Variants in ODF1 observed in about 807,000 individuals in gnomAD.
ODF1 encodes the protein outer dense fiber of sperm tails 1.
ODF1 carries 10 observed loss-of-function variants against 24.0 expected under a neutral mutation model. The observed-to-expected ratio is 0.42, with a 90% confidence interval of 0.26 to 0.71. The LOEUF is 0.71. Ranked by LOEUF, ODF1 falls within the 30% of genes least tolerant of loss-of-function variation. ODF1 has a pLI of 0.28. For synonymous variants in ODF1, 118 were observed against 121.3 expected, an observed-to-expected ratio of 0.97 and a Z score of 0.18; for missense variants, 282 against 307.9, an observed-to-expected ratio of 0.92 and a Z score of 0.63.
Position 102,551,811 on chromosome 8 carries a change from C to T in ODF1, c.84C>T (p.Ile28=), listed in dbSNP as rs142790437. ...VDRELRQLRC[I]DEFSTRCLCD... The stretch of plus-strand genomic sequence containing the variant: ...GAGAACTAAGGCAACTGAGATGCAT[C>T]GACGAATTTAGCACACGGTGCCTGT... Residue 28 remains isoleucine, a synonymous_variant, in exon 1 of 2, where the codon ATC becomes ATT. Coordinates refer to ENST00000285402, the MANE Select transcript of ODF1 (RefSeq NM_024410.4). 1.8e-5 allele frequency: 29 copies of T among 1,613,998 alleles called. No individual in the cohort carries two copies. Among genetic ancestry groups the T allele is most frequent in the African/African-American group, 9.3e-5 (7 of 74,896 alleles).
chr8:102,552,817 G>C (rs1408528544), intron 1 of ODF1, among the ~76,000 whole-genome samples: 1 of 152,068 alleles, frequency 6.6e-6, no homozygotes, highest in Non-Finnish European at 1.5e-5. Context: ...GTCTGTTACT[G>C]TTGATGAAAA....
In ODF1 at chr8:102,560,889, C is replaced by T. The variant is rs1292416888; in HGVS notation, c.*5C>T. The T allele has an allele frequency of 2.8e-5, 44 of 1,596,126 alleles. No individual in the cohort carries two copies. Among genetic ancestry groups the T allele is most frequent in the Non-Finnish European group, 3.6e-5 (42 of 1,169,856 alleles). ...TGTAGGAAGATGATTTTGTAAAGTG[C>T]GCATAGGAACCCATTACTTAATAGA... On this transcript the variant is annotated 3_prime_UTR_variant, in exon 2 of 2. Transcript: ENST00000285402.
rs561445927 is a variant in ODF1 at position 102,557,382 on chromosome 8, A to G, written c.321-3070A>G. 2.4e-4 allele frequency among the ~76,000 whole-genome samples: 37 copies of G among 152,300 alleles called. 2 individuals are homozygous for G. In the South Asian group the frequency reaches 7.5e-3, roughly 31 times the overall value. ...CTAAACCAACACATCTTCCCTGATA[A>G]CCACTGACTTAGAAGCAAGAAGAAA... is the stretch of plus-strand genomic sequence containing the variant. On this transcript the variant is annotated intron_variant, in intron 1 of 1. Coordinates refer to ENST00000285402, the MANE Select transcript of ODF1 (RefSeq NM_024410.4).
Position 102,560,973 on chromosome 8 carries a change from CT to C in ODF1, c.*90del. On this transcript the variant is annotated 3_prime_UTR_variant, in exon 2 of 2. Transcript: ENST00000285402. Reference sequence around the variant, plus strand: ...GTTTCTCCTCTCCTTCCCATGGCCCCTGTTGTTGAAGTACGTAGGAAACTGA... The same window carrying C: ...GTTTCTCCTCTCCTTCCCATGGCCCCGTTGTTGAAGTACGTAGGAAACTGA... 8.0e-7 allele frequency: 1 copy of C among 1,246,950 alleles called. No individual in the cohort carries two copies. Among genetic ancestry groups the C allele is most frequent in the Non-Finnish European group, 1.1e-6 (1 of 893,264 alleles). 77.2% of individuals were successfully genotyped at this position (1,246,950 alleles called of 1,614,324 possible).
chr8:102,551,873 T>C lies in ODF1; in HGVS notation c.146T>C (p.Leu49Ser), dbSNP rs777913768. ...LYMHPYCCCD[L>S]HPYPYCLCYS... ...ATGCACCCCTATTGCTGCTGTGACT[T>C]GCACCCATATCCGTACTGCTTGTGC... Residue 49 changes from leucine (L) to serine (S), a missense_variant, in exon 1 of 2, where the codon TTG (leucine) becomes TCG (serine). By Grantham distance (145) the Leu-to-Ser change is moderately radical. Transcript: ENST00000285402. 1 of 1,614,120 alleles carries C rather than the reference T, an allele frequency of 6.2e-7. No individual in the cohort carries two copies. Among genetic ancestry groups the C allele is most frequent in the Non-Finnish European group, 8.5e-7 (1 of 1,180,028 alleles).
At chr8:102,555,588 G>A (rs945029395) in intron 1 of ODF1, among the ~76,000 whole-genome samples, 1 of 152,210 alleles carries the variant, frequency 6.6e-6, no homozygotes, top group Non-Finnish European at 1.5e-5. Flanking sequence ...TGAGGATGAG[G>A]TTTTCACTGA....
chr8:102,559,743 A>G (rs1326958744), intron 1 of ODF1, among the ~76,000 whole-genome samples: 1 of 151,504 alleles, frequency 6.6e-6, no homozygotes, highest in Non-Finnish European at 1.5e-5. Context: ...GAGCCAGGCC[A>G]GGGCTCTCCT....
At position 102,560,763 on chromosome 8, in the gene ODF1, CCT is replaced by C. The variant is rs759689755; in HGVS notation, c.633_634del (p.Cys212GlnfsTer19). On this transcript the variant is annotated frameshift_variant, in exon 2 of 2. Transcript: ENST00000285402. LOFTEE classifies it high-confidence loss of function. ...TACCCTTGCACTTCTCCTTGCAGCC[CCT>C]GCAGCCCCTGCAGCCCCTGCAACCC... 4,040 of 1,573,456 alleles carry C rather than the reference CCT, an allele frequency of 2.6e-3. 66 individuals are homozygous for C. In the African/African-American group the frequency reaches 0.045, roughly 17 times the overall value.
intron 1 of ODF1, among the ~76,000 whole-genome samples, chr8:102,557,040 G>C (rs1317057817): frequency 6.6e-6 from 1 of 152,162 alleles, no homozygotes; most frequent in Non-Finnish European, 1.5e-5. Context: ...CGGGAGTTTG[G>C]TTGTACATCC....
chr8:102,554,982 A>C (rs771033667), intron 1 of ODF1, among the ~76,000 whole-genome samples: 2 of 151,756 alleles, frequency 1.3e-5, no homozygotes, highest in Non-Finnish European at 2.9e-5. Context: ...TAAATAAAAG[A>C]AAATCCAATC....
chr8:102,560,520 A>G lies in ODF1; in HGVS notation c.389A>G (p.Asn130Ser). 2 of 1,614,208 alleles carry G rather than the reference A, an allele frequency of 1.2e-6. No individual in the cohort carries two copies. Among genetic ancestry groups the G allele is most frequent in the Non-Finnish European group, 1.7e-6 (2 of 1,180,034 alleles). The change falls in exon 2 of 2, where the codon AAT becomes AGT. Residue 130 changes from asparagine (N) to serine (S), a missense_variant. Coordinates refer to ENST00000285402, the MANE Select transcript of ODF1 (RefSeq NM_024410.4). ...CCSSNILGSVNVCGFEPDQVK... is the reference protein window; with the variant it reads ...CCSSNILGSVSVCGFEPDQVK... The stretch of plus-strand genomic sequence containing the variant: ...AGCAGTAACATTTTAGGATCGGTGA[A>G]TGTATGCGGTTTTGAACCCGATCAA...
chr8:102,555,440 C>T (rs767806798), intron 1 of ODF1, among the ~76,000 whole-genome samples: 4 of 152,178 alleles, frequency 2.6e-5, no homozygotes, highest in South Asian at 2.1e-4. Flanking sequence ...ATCCTGAGAC[C>T]GTGTTTCTGT....
rs752938995 is a variant in ODF1, at chr8:102,551,975, T to C, written c.248T>C (p.Leu83Pro). 3.7e-6 allele frequency: 6 copies of C among 1,613,794 alleles called. No homozygotes were observed. Among genetic ancestry groups the C allele is most frequent in the Non-Finnish European group, 5.1e-6 (6 of 1,179,680 alleles). The change falls in exon 1 of 2, where the codon CTG becomes CCG. Residue 83 changes from leucine to proline, a missense_variant. Leu to Pro is a moderately conservative substitution (Grantham distance 98, BLOSUM62 -3). Transcript: ENST00000285402. ...CCLCDYKLYC[L>P]RPSLRSLERK... ...CTGTGTGATTATAAGCTTTACTGTC[T>C]GCGACCATCTCTCAGAAGTTTGGAG...
chr8:102,560,410 G>T (rs760928011), intron 1 of ODF1, 42 bp from the exon 2 acceptor site: 6 of 1,574,402 alleles, frequency 3.8e-6, no homozygotes, highest in Non-Finnish European at 5.2e-6. Flanking sequence ...TGGATTCTGA[G>T]GTCTGAGCTC....
chr8:102,555,066 G>T (rs1036167295), intron 1 of ODF1, among the ~76,000 whole-genome samples: 10 of 152,212 alleles, frequency 6.6e-5, no homozygotes, highest in Non-Finnish European at 1.5e-4. Context: ...AGAGACCCAA[G>T]TAAGCACCTT....
intron 1 of ODF1, among the ~76,000 whole-genome samples, chr8:102,553,204 TACAAAAAA>T (rs1335448880): frequency 6.1e-5 from 4 of 65,678 alleles, no homozygotes; most frequent in East Asian, 3.1e-4. Flanking sequence ...CTCTACTAAA[TACAAAAAA>T]AAAAAAAAAA....
rs538046431 is a variant in ODF1 at position 102,559,504 on chromosome 8, G to A, written c.321-948G>A. On this transcript the variant is annotated intron_variant, in intron 1 of 1. Transcript: ENST00000285402. ...CTATGATTGATTTCAAGCTATCAGC[G>A]TGCAGTACTAACTGGGGATCGGGAA... 1.4e-3 allele frequency among the ~76,000 whole-genome samples: 208 copies of A among 151,712 alleles called. 2 individuals carry two copies. Among genetic ancestry groups the A allele is most frequent in the Non-Finnish European group, 2.4e-3 (163 of 68,030 alleles).
At position 102,551,922 on chromosome 8, in the gene ODF1, C is replaced by T. The variant is rs150929068; in HGVS notation, c.195C>T (p.Cys65=). The T allele has an allele frequency of 1.2e-4, 193 of 1,614,142 alleles. No individual in the cohort carries two copies. The highest frequency in any genetic ancestry group is 3.7e-4 in the African/African-American group (28 of 75,032). Residue 65 remains cysteine (C), a synonymous_variant, in exon 1 of 2, where the codon TGC becomes TGT. Transcript: ENST00000285402. ...GCTATTCCAAGCGATCACGCTCTTGCGGCCTGTGTGATCTCTACCCATGTT... is the reference window on the plus strand; with the variant it reads ...GCTATTCCAAGCGATCACGCTCTTGTGGCCTGTGTGATCTCTACCCATGTT... ...CLCYSKRSRS[C]GLCDLYPCCL...
At position 102,559,695 on chromosome 8, in the gene ODF1, G is replaced by A. The variant is rs891620233; in HGVS notation, c.321-757G>A. 5.9e-5 allele frequency among the ~76,000 whole-genome samples: 9 copies of A among 151,414 alleles called. 1 individual carries two copies. The highest frequency in any genetic ancestry group is 8.8e-5 in the Non-Finnish European group (6 of 68,014). ...ACTTCCCAGCCTGGAGGAGCCAGGC[G>A]CTGGGCAAAAGACTTTCACACAACA... On this transcript the variant is annotated intron_variant, in intron 1 of 1. Transcript: ENST00000285402.
Sources: gnomAD v4.1 joint callset for allele counts (sites outside exome capture counted in the v4.1 genomes callset) on GRCh38, gnomAD v4.1.1 for gene constraint, MANE v1.5 for transcripts, NCBI Gene and HGNC (gene_info 2026-07-23, HGNC 2026-07-21) for gene names.